VPS13B: variants seen among roughly 807,000 people sequenced by gnomAD.
The protein encoded by VPS13B is vacuolar protein sorting 13 homolog B.
VPS13B carries 285 observed loss-of-function variants against 426.4 expected under a neutral mutation model. That is an observed-to-expected ratio of 0.67 (90% CI 0.61 to 0.74). The LOEUF (loss-of-function observed/expected upper bound fraction) is 0.74. VPS13B is among the 30% of genes least tolerant of loss of function. The pLI, the probability that VPS13B is intolerant of heterozygous loss-of-function variation, is 0.00. For synonymous variants in VPS13B, 1,676 were observed against 1,676.4 expected, an observed-to-expected ratio of 1.00 and a Z score of 0.01; for missense variants, 4,537 against 4,782.6, an observed-to-expected ratio of 0.95 and a Z score of 1.51.
At chr8:99,350,777 T>C (rs1210178707) in intron 19 of VPS13B, among the ~76,000 whole-genome samples, 2 of 151,768 alleles carry the variant, frequency 1.3e-5, no homozygotes, top group Non-Finnish European at 2.9e-5. Context: ...AATATGAATA[T>C]GCAATATGTA....
In VPS13B at chr8:99,661,427, C is replaced by T. The variant is rs759538241; in HGVS notation, c.5982C>T (p.Asp1994=). ...VWLQTVPGEI[D]SKSGIPPSFI... ...TACAGACAGTGCCTGGAGAAATAGA[C>T]AGCAAAAGTGGTATTCCACCTTCCT... Residue 1994 remains aspartate (D), a synonymous_variant, in exon 35 of 62, where the codon GAC becomes GAT. Coordinates refer to ENST00000357162, the MANE Select transcript of VPS13B (RefSeq NM_152564.5). 1.9e-6 allele frequency: 3 copies of T among 1,613,634 alleles called. No homozygotes were observed. In the African/African-American group the frequency reaches 4.0e-5, roughly 22 times the overall value.
chr8:99,790,706 A>C (rs1327414284), intron 43 of VPS13B, among the ~76,000 whole-genome samples: 2 of 152,204 alleles, frequency 1.3e-5, no homozygotes, highest in Non-Finnish European at 2.9e-5. Context: ...GGAAGCTGGC[A>C]AGGCTTCCAG....
At chr8:99,304,893 G>A (rs1030552558) in intron 19 of VPS13B, among the ~76,000 whole-genome samples, 1 of 151,898 alleles carries the variant, frequency 6.6e-6, no homozygotes, top group Admixed American at 6.6e-5. Flanking sequence ...AATGTTTTCT[G>A]TATAAAGTTC....
At chr8:99,720,669 G>A (rs997843282) in intron 38 of VPS13B, 117 bp downstream of exon 38, 11 of 1,229,854 alleles carry the variant, frequency 8.9e-6, no homozygotes, top group Non-Finnish European at 1.1e-5. Flanking sequence ...AAAATTTGCA[G>A]TACAAAAATA....
intron 22 of VPS13B, among the ~76,000 whole-genome samples, chr8:99,432,361 G>C (rs1817158547): frequency 1.3e-5 from 2 of 152,038 alleles, no homozygotes; most frequent in Admixed American, 1.3e-4. Flanking sequence ...AGATATAAAA[G>C]TTGCAATAGA....
intron 33 of VPS13B, among the ~76,000 whole-genome samples, chr8:99,617,209 AGAT>A (rs1828133041): frequency 4.6e-5 from 7 of 152,366 alleles, no homozygotes; most frequent in Admixed American, 3.9e-4. Context: ...TTTCTCACAT[AGAT>A]GATCTATTTT....
intron 23 of VPS13B, 133 bp downstream of exon 23, chr8:99,442,768 T>C: frequency 1.2e-6 from 1 of 807,374 alleles, no homozygotes; most frequent in South Asian, 1.7e-5. Context: ...CCAAAGTAAG[T>C]GAACTAAGTG....
chr8:99,096,454 A>G, intron 4 of VPS13B, 22 bp downstream of exon 4: 1 of 1,613,592 alleles, frequency 6.2e-7, no homozygotes, highest in Non-Finnish European at 8.5e-7. Context: ...TGGGATCAAT[A>G]AAACCAAATT....
intron 54 of VPS13B, among the ~76,000 whole-genome samples, chr8:99,845,854 T>C (rs1815954778): frequency 6.6e-6 from 1 of 152,208 alleles, no homozygotes; most frequent in African/African-American, 2.4e-5. Flanking sequence ...AATGAGCATG[T>C]TCCAATAAAG....
intron 33 of VPS13B, chr8:99,613,676 A>G (rs893716500): frequency 2.0e-5 from 3 of 152,332 alleles, no homozygotes; most frequent in Non-Finnish European, 4.4e-5. Flanking sequence ...CGGGACCTGA[A>G]TGACAGGTTA....
rs555841143 is a variant in VPS13B at position 99,833,706 on chromosome 8, T to G, written c.9614+1054T>G. Among the ~76,000 whole-genome samples the G allele has an allele frequency of 1.1e-4, 16 of 152,314 alleles. No individual in the cohort carries two copies. The South Asian group carries it at 1.9e-3, about 18-fold the overall frequency. ...GAACTTATAATAAATAAAACATTTT[T>G]TAAAAAACAAAATTTGAAACAAAAC... On this transcript the variant is annotated intron_variant, in intron 52 of 61. Coordinates refer to ENST00000357162, the MANE Select transcript of VPS13B (RefSeq NM_152564.5).
chr8:99,631,289 A>T (rs1828836010), intron 33 of VPS13B, among the ~76,000 whole-genome samples: 1 of 152,046 alleles, frequency 6.6e-6, no homozygotes, highest in East Asian at 1.9e-4. Context: ...CATTTCTCTG[A>T]TTGCCAAATG....
intron 17 of VPS13B, among the ~76,000 whole-genome samples, chr8:99,223,913 A>G (rs1490065937): frequency 5.3e-5 from 8 of 152,208 alleles, no homozygotes; most frequent in Non-Finnish European, 1.2e-4. Context: ...TGCTTCTGTG[A>G]AAAGGAAATA....
At chr8:99,746,502 T>G (rs1810094885) in intron 39 of VPS13B, among the ~76,000 whole-genome samples, 1 of 152,206 alleles carries the variant, frequency 6.6e-6, no homozygotes, top group Admixed American at 6.5e-5. Context: ...CTGCCGTTAT[T>G]GAGCAAGTTC....
chr8:99,857,466 C>T (rs1469947019), intron 56 of VPS13B, among the ~76,000 whole-genome samples: 1 of 152,222 alleles, frequency 6.6e-6, no homozygotes, highest in East Asian at 1.9e-4. Flanking sequence ...TCTTTACCTC[C>T]AGAGAAGGCC....
At chr8:99,166,904 C>T (rs774535689) in intron 15 of VPS13B, among the ~76,000 whole-genome samples, 1 of 152,026 alleles carries the variant, frequency 6.6e-6, no homozygotes, top group Non-Finnish European at 1.5e-5. Flanking sequence ...CAGCAATAAA[C>T]CATTGTGAGA....
At chr8:99,312,133 G>C (rs1230544425) in intron 19 of VPS13B, among the ~76,000 whole-genome samples, 1 of 152,126 alleles carries the variant, frequency 6.6e-6, no homozygotes, top group Non-Finnish European at 1.5e-5. Flanking sequence ...ATTTGCCAGT[G>C]TGTGTCTTTT....
chr8:99,070,625 T>C (rs1442079172), intron 3 of VPS13B, among the ~76,000 whole-genome samples: 1 of 152,176 alleles, frequency 6.6e-6, no homozygotes, highest in Non-Finnish European at 1.5e-5. Flanking sequence ...CAGAGACATA[T>C]ATTATCTATA....
intron 52 of VPS13B, among the ~76,000 whole-genome samples, chr8:99,834,638 G>T (rs1815279793): frequency 6.6e-6 from 1 of 152,028 alleles, no homozygotes; most frequent in African/African-American, 2.4e-5. Flanking sequence ...CCAGGCTTAA[G>T]CCAACCTCCC....
Sources: allele counts gnomAD v4.1 joint callset (sites outside exome capture counted in the v4.1 genomes callset), GRCh38; gene constraint gnomAD v4.1.1; transcripts MANE v1.5; gene names NCBI Gene and HGNC (gene_info 2026-07-23, HGNC 2026-07-21).